GADL1: variants seen among roughly 807,000 people sequenced by gnomAD.
The protein encoded by GADL1 is acidic amino acid decarboxylase GADL1.
GADL1 carries 71 observed loss-of-function variants against 69.5 expected under a neutral mutation model. The ratio of observed to expected loss-of-function variants is 1.02; its 90% CI spans 0.84 to 1.25. The LOEUF is 1.25. Among genes scored for constraint, GADL1 ranks in the 50% most tolerant of loss-of-function variants. GADL1 has a pLI of 0.00. For synonymous variants in GADL1, 254 were observed against 214.4 expected, an observed-to-expected ratio of 1.18 and a Z score of -1.62; for missense variants, 737 against 631.8, an observed-to-expected ratio of 1.17 and a Z score of -1.79.
chr3:30,890,856 A>G (rs2125548375), intron 1 of GADL1, among the ~76,000 whole-genome samples: 1 of 152,334 alleles, frequency 6.6e-6, no homozygotes, highest in Non-Finnish European at 1.5e-5. Flanking sequence ...TAATAAGTCT[A>G]TAACCTACTA....
At chr3:30,840,698 T>C (rs1252547358) in intron 8 of GADL1, among the ~76,000 whole-genome samples, 1 of 152,208 alleles carries the variant, frequency 6.6e-6, no homozygotes, top group Middle Eastern at 3.2e-3. Flanking sequence ...TATTATAGCC[T>C]ATTAATGAGT....
Position 30,795,837 on chromosome 3 carries a change from T to C in GADL1, c.1250+5052A>G, listed in dbSNP as rs567830328. Among the ~76,000 whole-genome samples, 11 of 152,196 alleles carry C rather than the reference T, an allele frequency of 7.2e-5. No individual in the cohort carries two copies. The East Asian group carries it at 1.4e-3, about 19-fold the overall frequency. On this transcript the variant is annotated intron_variant, in intron 12 of 14. Coordinates refer to ENST00000282538, the MANE Select transcript of GADL1 (RefSeq NM_207359.3). ...CACCCCAGGAATAGACTGTTGGATA[T>C]CAAGAGTGTGGAAAGTTAAGGCAAA...
At chr3:30,855,249 C>A (rs572598867) in intron 3 of GADL1, among the ~76,000 whole-genome samples, 2 of 152,224 alleles carry the variant, frequency 1.3e-5, no homozygotes, top group South Asian at 4.1e-4. Context: ...TAAGTAAAAT[C>A]TGAGTTGTCT....
chr3:30,857,665 G>T (rs777810189), intron 2 of GADL1, among the ~76,000 whole-genome samples: 1 of 151,850 alleles, frequency 6.6e-6, no homozygotes, highest in Non-Finnish European at 1.5e-5. Flanking sequence ...TTAAGCCATG[G>T]CCATTCCTCT....
intron 14 of GADL1, among the ~76,000 whole-genome samples, chr3:30,749,989 C>T (rs999859963): frequency 2.0e-5 from 3 of 152,108 alleles, no homozygotes; most frequent in South Asian, 2.1e-4. Flanking sequence ...GTACTTTAGA[C>T]AAAGGTCAGA....
At chr3:30,853,198 A>T (rs578224024) in intron 4 of GADL1, among the ~76,000 whole-genome samples, 6 of 151,606 alleles carry the variant, frequency 4.0e-5, no homozygotes, top group African/African-American at 1.5e-4. Flanking sequence ...CCCACTCTAT[A>T]CTCTGTCCCC....
At position 30,770,793 on chromosome 3, in the gene GADL1, T is replaced by C. The variant is rs556245513; in HGVS notation, c.1392+7386A>G. On this transcript the variant is annotated intron_variant, in intron 14 of 14. Coordinates refer to ENST00000282538, the MANE Select transcript of GADL1 (RefSeq NM_207359.3). ...AACTCAGAACTTATGCCACAATAAA[T>C]TAGAACAATCCAACAGAAACAAGAG... 2.1e-5 allele frequency among the ~76,000 whole-genome samples: 3 copies of C among 145,008 alleles called. No individual in the cohort carries two copies. In the South Asian group the frequency reaches 6.5e-4, roughly 32 times the overall value.
At chr3:30,811,047 C>T (rs145259419) in intron 11 of GADL1, among the ~76,000 whole-genome samples, 1 of 152,130 alleles carries the variant, frequency 6.6e-6, no homozygotes, top group African/African-American at 2.4e-5. Context: ...TCAAGACTCC[C>T]CTTCCCCTTC....
chr3:30,877,688 T>C (rs1355514650), intron 1 of GADL1, among the ~76,000 whole-genome samples: 2 of 151,894 alleles, frequency 1.3e-5, no homozygotes, highest in African/African-American at 2.4e-5. Flanking sequence ...CAACACAGCA[T>C]ACAGAGTGCT....
intron 13 of GADL1, among the ~76,000 whole-genome samples, chr3:30,785,755 T>C (rs1696775115): frequency 6.6e-6 from 1 of 152,188 alleles, no homozygotes; most frequent in African/African-American, 2.4e-5. Context: ...ACTGCTATAA[T>C]ACATATACTA....
chr3:30,750,148 A>G (rs868602704), intron 14 of GADL1, among the ~76,000 whole-genome samples: 4 of 152,308 alleles, frequency 2.6e-5, no homozygotes, highest in South Asian at 2.1e-4. Context: ...CCCATATAAT[A>G]TTCCTCTCAC....
chr3:30,751,253 G>A (rs1274848396), intron 14 of GADL1, among the ~76,000 whole-genome samples: 3 of 151,972 alleles, frequency 2.0e-5, no homozygotes, highest in Non-Finnish European at 2.9e-5. Context: ...TAACCAATTG[G>A]AGGCCTCTAA....
intron 13 of GADL1, among the ~76,000 whole-genome samples, chr3:30,780,897 C>CA (rs1049978615): frequency 4.1e-4 from 63 of 152,172 alleles, no homozygotes; most frequent in African/African-American, 1.5e-3. Context: ...TGAATTTTTG[C>CA]AAAAATATAT....
At chr3:30,892,324 C>T (rs764374080) in intron 1 of GADL1, among the ~76,000 whole-genome samples, 11 of 152,170 alleles carry the variant, frequency 7.2e-5, no homozygotes, top group East Asian at 1.9e-4. Context: ...ATTTAACATA[C>T]GAATTCAATG....
intron 6 of GADL1, among the ~76,000 whole-genome samples, chr3:30,846,886 A>G (rs757306794): frequency 6.6e-6 from 1 of 152,166 alleles, no homozygotes. Context: ...TGCAAAATTT[A>G]GAGGCATGAC....
At chr3:30,800,859 AG>A in intron 12 of GADL1, 29 bp downstream of exon 12, 4 of 702,064 alleles carry the variant, frequency 5.7e-6, no homozygotes, top group South Asian at 8.4e-5. Flanking sequence ...ACAGAAAGAG[AG>A]AGAGAGAGAG....
intron 14 of GADL1, among the ~76,000 whole-genome samples, chr3:30,732,717 AT>A (rs1231624213): frequency 1.3e-5 from 2 of 152,206 alleles, no homozygotes; most frequent in African/African-American, 2.4e-5. Context: ...CTTTTTAAGA[AT>A]TTGTTATATA....
At chr3:30,796,531 C>A (rs994254507) in intron 12 of GADL1, among the ~76,000 whole-genome samples, 1 of 152,188 alleles carries the variant, frequency 6.6e-6, no homozygotes, top group African/African-American at 2.4e-5. Flanking sequence ...TTACTTCACT[C>A]TCAAATAATT....
At chr3:30,730,274 TA>T (rs112629630) in intron 14 of GADL1, among the ~76,000 whole-genome samples, 62 of 152,110 alleles carry the variant, frequency 4.1e-4, no homozygotes, top group African/African-American at 1.4e-3. Flanking sequence ...TAAAATCTAG[TA>T]AAAAAATATG....
Sources: allele counts gnomAD v4.1 joint callset (sites outside exome capture counted in the v4.1 genomes callset), GRCh38; gene constraint gnomAD v4.1.1; transcripts MANE v1.5; gene names NCBI Gene and HGNC (gene_info 2026-07-23, HGNC 2026-07-21).